The following KCNMA1 variants were observed in gnomAD, a reference collection of about 807,000 sequenced individuals.
The protein encoded by KCNMA1 is Calcium-activated potassium channel subunit alpha-1.
Under a neutral mutation model 140.0 loss-of-function variants are expected in KCNMA1, and 29 were observed. The ratio of observed to expected loss-of-function variants is 0.21; its 90% CI spans 0.15 to 0.28. The LOEUF is 0.28. KCNMA1 is among the 10% of genes least tolerant of loss of function. The pLI is 1.00. For missense variants in KCNMA1, 880 were observed against 1,602.2 expected, an observed-to-expected ratio of 0.55 and a Z score of 7.70; for synonymous variants, 612 against 611.9, an observed-to-expected ratio of 1.00 and a Z score of 0.00.
chr10:77,113,287 T>G, intron 6 of KCNMA1, among the ~76,000 whole-genome samples: 1 of 152,166 alleles, frequency 6.6e-6, no homozygotes, highest in East Asian at 1.9e-4. Flanking sequence ...CCAATAAAAC[T>G]TTATTTACAA....
Position 77,200,981 on chromosome 10 carries a change from A to G in KCNMA1, c.603-16065T>C, listed in dbSNP as rs192574888. 4.3e-3 allele frequency among the ~76,000 whole-genome samples: 661 copies of G among 152,230 alleles called. 2 individuals carry two copies. The highest frequency in any genetic ancestry group is 0.017 in the South Asian group (81 of 4,822). On this transcript the variant is annotated intron_variant, in intron 3 of 27. Transcript: ENST00000286628. ...CCATCCAACCCTGTGCACAGTTAGG[A>G]TTTCATGAGCATGTTGGACTGGTTT...
intron 3 of KCNMA1, among the ~76,000 whole-genome samples, chr10:77,217,306 AAG>A (rs1021233184): frequency 1.3e-5 from 2 of 152,042 alleles, no homozygotes; most frequent in Non-Finnish European, 2.9e-5. Flanking sequence ...AAAAAAAAAA[AAG>A]AAACTAAACA....
Position 77,585,586 on chromosome 10 carries a change from C to G in KCNMA1, c.378+51679G>C, listed in dbSNP as rs568687350. Among the ~76,000 whole-genome samples the G allele has an allele frequency of 2.6e-5, 4 of 152,294 alleles. No individual in the cohort carries two copies. The South Asian group carries it at 8.3e-4, about 32-fold the overall frequency. ...TGAACATGCTCTGCACTTTACCCAG[C>G]TTTTCTGTTCTCATCACCTCTTCAA... On this transcript the variant is annotated intron_variant, in intron 1 of 27. Coordinates refer to ENST00000286628, the MANE Select transcript of KCNMA1 (RefSeq NM_001161352.2).
intron 9 of KCNMA1, among the ~76,000 whole-genome samples, chr10:77,103,458 G>A (rs1223851668): frequency 1.3e-5 from 2 of 152,186 alleles, no homozygotes; most frequent in Non-Finnish European, 2.9e-5. Context: ...TCTGTGCTGT[G>A]CGGCAGACTA....
chr10:76,887,622 T>C, intron 27 of KCNMA1, 107 bp from the exon 28 acceptor site: 2 of 1,292,076 alleles, frequency 1.5e-6, no homozygotes, highest in Non-Finnish European at 2.2e-6. Flanking sequence ...TTTCAGAGGA[T>C]CTGGAAGATG....
At chr10:77,535,130 A>G (rs1035447484) in intron 1 of KCNMA1, among the ~76,000 whole-genome samples, 2 of 152,174 alleles carry the variant, frequency 1.3e-5, no homozygotes, top group African/African-American at 4.8e-5. Context: ...TTCTACACAC[A>G]TGCACACACT....
At chr10:77,298,880 A>C (rs1601712303) in intron 2 of KCNMA1, among the ~76,000 whole-genome samples, 1 of 152,354 alleles carries the variant, frequency 6.6e-6, no homozygotes, top group African/African-American at 2.4e-5. Context: ...CACTGTGGAC[A>C]ATCGGGGAAG....
At chr10:76,963,623 A>C (rs1272156579) in intron 20 of KCNMA1, among the ~76,000 whole-genome samples, 1 of 151,970 alleles carries the variant, frequency 6.6e-6, no homozygotes, top group African/African-American at 2.4e-5. Flanking sequence ...ATTCTCTGTG[A>C]CTCTGTGGAA....
chr10:77,322,103 G>A (rs974000759), intron 2 of KCNMA1, among the ~76,000 whole-genome samples: 5 of 152,168 alleles, frequency 3.3e-5, no homozygotes, highest in African/African-American at 1.2e-4. Flanking sequence ...GTATCTTGTG[G>A]TCTACAATCT....
chr10:77,326,510 G>A (rs1194021543), intron 2 of KCNMA1, among the ~76,000 whole-genome samples: 2 of 146,132 alleles, frequency 1.4e-5, no homozygotes, highest in Admixed American at 6.8e-5. Context: ...TGATGGTGAG[G>A]ACGAGCGTGG....
At position 77,001,757 on chromosome 10, in the gene KCNMA1, C is replaced by T. The variant is rs184345651; in HGVS notation, c.2093-177G>A. On this transcript the variant is annotated intron_variant, in intron 18 of 27. Transcript: ENST00000286628. ...TGTTGGTAACAGTTTGGTTGTACAT[C>T]AAAAAAGCAGCGAAAATATAAATTG... 7.2e-5 allele frequency among the ~76,000 whole-genome samples: 11 copies of T among 152,174 alleles called. No individual in the cohort carries two copies. In the East Asian group the frequency reaches 2.1e-3, roughly 29 times the overall value.
intron 1 of KCNMA1, among the ~76,000 whole-genome samples, chr10:77,455,467 T>C (rs2097745908): frequency 6.6e-6 from 1 of 152,084 alleles, no homozygotes; most frequent in Non-Finnish European, 1.5e-5. Flanking sequence ...CTTTGAGTGC[T>C]CCTTTGCCAT....
intron 2 of KCNMA1, among the ~76,000 whole-genome samples, chr10:77,355,647 G>A (rs1202432595): frequency 2.0e-5 from 3 of 152,330 alleles, no homozygotes; most frequent in African/African-American, 7.2e-5. Flanking sequence ...ATGGAAAGAA[G>A]CCAGATCCTT....
chr10:77,320,497 G>A (rs1331430264), intron 2 of KCNMA1, among the ~76,000 whole-genome samples: 5 of 152,146 alleles, frequency 3.3e-5, no homozygotes, highest in South Asian at 2.1e-4. Context: ...TGTGGCTCTC[G>A]GTGCTCTGCT....
At chr10:77,193,542 C>G (rs894568539) in intron 3 of KCNMA1, among the ~76,000 whole-genome samples, 1 of 152,116 alleles carries the variant, frequency 6.6e-6, no homozygotes, top group Non-Finnish European at 1.5e-5. Flanking sequence ...TCAAATAGCA[C>G]TAAATGCATA....
intron 2 of KCNMA1, among the ~76,000 whole-genome samples, chr10:77,341,153 C>G (rs1223474642): frequency 6.6e-6 from 1 of 152,164 alleles, no homozygotes; most frequent in East Asian, 1.9e-4. Flanking sequence ...TTCTGTATGT[C>G]CGTTGTTTTC....
chr10:77,152,436 G>A (rs1039474856), intron 5 of KCNMA1, among the ~76,000 whole-genome samples: 1 of 152,054 alleles, frequency 6.6e-6, no homozygotes, highest in African/African-American at 2.4e-5. Flanking sequence ...CACCAGTAAG[G>A]GAACAGGAAA....
At chr10:77,005,645 G>A (rs1363626478) in intron 18 of KCNMA1, among the ~76,000 whole-genome samples, 1 of 152,186 alleles carries the variant, frequency 6.6e-6, no homozygotes, top group Non-Finnish European at 1.5e-5. Flanking sequence ...AGGTTATGTG[G>A]TTGCTAAGAA....
intron 3 of KCNMA1, chr10:77,250,776 T>C (rs2059520505): frequency 4.4e-6 from 1 of 227,682 alleles, no homozygotes; most frequent in Non-Finnish European, 8.8e-6. Context: ...GATCAAAGCA[T>C]TGGAAACCCA....
Sources: allele counts gnomAD v4.1 joint callset (sites outside exome capture counted in the v4.1 genomes callset), GRCh38; gene constraint gnomAD v4.1.1; transcripts MANE v1.5; gene names NCBI Gene and HGNC (gene_info 2026-07-23, HGNC 2026-07-21).